Variants in NCKAP5 observed in about 807,000 individuals in gnomAD.
The protein encoded by NCKAP5 is NCK associated protein 5.
In NCKAP5, 92 loss-of-function variants were observed where a neutral mutation model predicts 167.0. The ratio of observed to expected loss-of-function variants is 0.55; its 90% CI spans 0.47 to 0.66. The LOEUF is 0.66. Ranked by LOEUF, NCKAP5 falls within the 30% of genes least tolerant of loss-of-function variation. The probability of loss-of-function intolerance (pLI) is 0.00; values close to 1 mark genes in which losing one functional copy is unlikely to be tolerated. For missense variants in NCKAP5, 2,378 were observed against 2,315.0 expected (o/e 1.03, Z -0.56); for synonymous variants, 891 against 877.4 (o/e 1.02, Z -0.27).
chr2:133,245,298 G>T (rs1347990569), intron 4 of NCKAP5, among the ~76,000 whole-genome samples: 1 of 152,100 alleles, frequency 6.6e-6, no homozygotes, highest in East Asian at 1.9e-4. Flanking sequence ...TAACTAGAAT[G>T]AAGTGTTTAC....
chr2:133,373,536 G>A (rs1461841463), intron 3 of NCKAP5, among the ~76,000 whole-genome samples: 1 of 152,198 alleles, frequency 6.6e-6, no homozygotes, highest in Non-Finnish European at 1.5e-5. Context: ...ATCCCAGCAA[G>A]TTATTTTGTG....
At chr2:133,078,129 A>G (rs2080673850) in intron 6 of NCKAP5, among the ~76,000 whole-genome samples, 1 of 152,200 alleles carries the variant, frequency 6.6e-6, no homozygotes, top group African/African-American at 2.4e-5. Context: ...GCCCACATGT[A>G]TCTGGCCCTG....
At chr2:132,857,171 C>CT (rs61007850) in intron 11 of NCKAP5, among the ~76,000 whole-genome samples, 33,235 of 147,902 alleles carry the variant, frequency 0.22, 3,739 homozygotes, top group East Asian at 0.32. Context: ...CTTCCATTAT[C>CT]TTTTTTTTTT....
chr2:132,787,749 T>C (rs1171626535), intron 13 of NCKAP5, among the ~76,000 whole-genome samples: 1 of 152,104 alleles, frequency 6.6e-6, no homozygotes, highest in East Asian at 1.9e-4. Flanking sequence ...AGAAATCCCA[T>C]TAGTGAATCT....
At chr2:133,358,428 CA>C (rs1301907485) in intron 3 of NCKAP5, among the ~76,000 whole-genome samples, 1 of 152,030 alleles carries the variant, frequency 6.6e-6, no homozygotes, top group Non-Finnish European at 1.5e-5. Context: ...ACAATAACAA[CA>C]AAAAGCCAGG....
intron 4 of NCKAP5, among the ~76,000 whole-genome samples, chr2:133,214,640 C>G (rs2086350522): frequency 6.6e-6 from 1 of 152,094 alleles, no homozygotes; most frequent in African/African-American, 2.4e-5. Context: ...TTTTGGACAG[C>G]TTTTCAATTG....
intron 4 of NCKAP5, among the ~76,000 whole-genome samples, chr2:133,290,728 C>CTTTTTTTTTTTTTTTTTTTT (rs58758295): frequency 3.5e-3 from 312 of 89,232 alleles, no homozygotes; most frequent in Middle Eastern, 7.5e-3. Context: ...AGAATTTCTC[C>CTTTTTTTTTTTTTTTTTTTT]TTTTTTTTTT....
At chr2:132,737,430 C>T (rs915904937) in intron 16 of NCKAP5, among the ~76,000 whole-genome samples, 8 of 152,158 alleles carry the variant, frequency 5.3e-5, no homozygotes, top group African/African-American at 1.9e-4. Flanking sequence ...TATTGTCTGG[C>T]ACCAGACTTC....
At chr2:133,640,130 T>C in the NCKAP5 span, among the ~76,000 whole-genome samples, 1 of 152,200 alleles carries the variant, frequency 6.6e-6, no homozygotes, top group East Asian at 1.9e-4. Context: ...ATTGTACCAT[T>C]GGATATTTGA....
intron 8 of NCKAP5, among the ~76,000 whole-genome samples, chr2:132,884,856 A>G (rs1032590224): frequency 6.6e-6 from 1 of 152,242 alleles, no homozygotes; most frequent in Non-Finnish European, 1.5e-5. Context: ...TCCTACCCAC[A>G]ATATCACGTT....
At chr2:133,594,826 CTA>C in the NCKAP5 span, among the ~76,000 whole-genome samples, 1 of 152,112 alleles carries the variant, frequency 6.6e-6, no homozygotes, top group Admixed American at 6.5e-5. Context: ...CACTTCATCG[CTA>C]TATGAGGACC....
At chr2:133,412,280 C>T (rs943990268) in intron 3 of NCKAP5, among the ~76,000 whole-genome samples, 4 of 152,160 alleles carry the variant, frequency 2.6e-5, no homozygotes, top group African/African-American at 4.8e-5. Flanking sequence ...TCTGCAACCT[C>T]GAAGAGGTCC....
chr2:132,758,764 C>T (rs921666576), intron 16 of NCKAP5, among the ~76,000 whole-genome samples: 4 of 152,098 alleles, frequency 2.6e-5, no homozygotes, highest in South Asian at 2.1e-4. Context: ...ACAGATCAGA[C>T]GAGCAAACCA....
rs542731108 is a variant in NCKAP5, at chr2:132,965,823, T to C, written c.430-1954A>G. On this transcript the variant is annotated intron_variant, in intron 7 of 19. Coordinates refer to ENST00000409261, the MANE Select transcript of NCKAP5 (RefSeq NM_207363.3). ...AAGTATTTGTGTATCTAAACATATC[T>C]AAACATAAAAAAGGTACAGTAAAAA... Among the ~76,000 whole-genome samples, 5 of 152,068 alleles carry C rather than the reference T, an allele frequency of 3.3e-5. No individual in the cohort carries two copies. In the East Asian group the frequency reaches 9.7e-4, roughly 29 times the overall value.
At chr2:132,741,121 T>C (rs1177258455) in intron 16 of NCKAP5, among the ~76,000 whole-genome samples, 2 of 152,058 alleles carry the variant, frequency 1.3e-5, no homozygotes, top group South Asian at 2.1e-4. Context: ...ACAGCTGTTA[T>C]AGCCTCTGAA....
chr2:132,684,621 G>C (rs757149406), intron 19 of NCKAP5, among the ~76,000 whole-genome samples: 3 of 152,200 alleles, frequency 2.0e-5, no homozygotes, highest in Non-Finnish European at 4.4e-5. Flanking sequence ...GGATGGACTA[G>C]TTGTATTATA....
At chr2:133,320,007 C>G (rs572218511) in intron 3 of NCKAP5, among the ~76,000 whole-genome samples, 2 of 152,200 alleles carry the variant, frequency 1.3e-5, no homozygotes, top group African/African-American at 2.4e-5. Context: ...GATTATTATT[C>G]ATTCCGGTCA....
At chr2:133,436,599 G>A (rs1028014502) in intron 3 of NCKAP5, among the ~76,000 whole-genome samples, 11 of 152,076 alleles carry the variant, frequency 7.2e-5, no homozygotes, top group African/African-American at 2.7e-4. Flanking sequence ...CCACCTGCAG[G>A]TGCCTTTTCC....
intron 5 of NCKAP5, among the ~76,000 whole-genome samples, chr2:133,173,136 G>T (rs1045455026): frequency 4.6e-5 from 7 of 152,146 alleles, no homozygotes; most frequent in African/African-American, 1.7e-4. Context: ...TCTGAGGAGT[G>T]CCTGTCTCCT....
Sources: gnomAD v4.1 joint callset for allele counts (sites outside exome capture counted in the v4.1 genomes callset) on GRCh38, gnomAD v4.1.1 for gene constraint, MANE v1.5 for transcripts, NCBI Gene and HGNC (gene_info 2026-07-23, HGNC 2026-07-21) for gene names.